The following D2HGDH variants were observed in gnomAD, a reference collection of about 807,000 sequenced individuals.
D2HGDH encodes D-2-hydroxyglutarate dehydrogenase, mitochondrial.
Under a neutral mutation model 46.9 loss-of-function variants are expected in D2HGDH, and 31 were observed. That is an observed-to-expected ratio of 0.66 (90% CI 0.50 to 0.89). The LOEUF is 0.89. D2HGDH is among the 40% of genes least tolerant of loss of function. D2HGDH has a pLI of 0.00. For synonymous variants in D2HGDH, 364 were observed against 332.6 expected, an observed-to-expected ratio of 1.09 and a Z score of -1.03; for missense variants, 698 against 720.8, an observed-to-expected ratio of 0.97 and a Z score of 0.36.
chr2:241,738,716 A>G (rs1693607579), intron 2 of D2HGDH, among the ~76,000 whole-genome samples: 1 of 152,158 alleles, frequency 6.6e-6, no homozygotes, highest in Non-Finnish European at 1.5e-5. Flanking sequence ...GTCCTGCTGC[A>G]GGGCCGCCCC....
intron 7 of D2HGDH, among the ~76,000 whole-genome samples, chr2:241,750,957 C>T (rs1277116534): frequency 2.0e-5 from 3 of 152,190 alleles, no homozygotes; most frequent in African/African-American, 4.8e-5. Flanking sequence ...AGGGTTTTGC[C>T]GTGTTGTCCA....
Position 241,743,196 on chromosome 2 carries a change from C to T in D2HGDH, c.491-426C>T, listed in dbSNP as rs1019137200. 1.3e-5 allele frequency among the ~76,000 whole-genome samples: 2 copies of T among 152,214 alleles called. No individual in the cohort carries two copies. The highest frequency in any genetic ancestry group is 1.5e-5 in the Non-Finnish European group (1 of 68,022). The stretch of plus-strand genomic sequence containing the variant: ...CCCCGCAAGGCCGGGCTCCAGGCCC[C>T]GGTCACTCTGTGGTCGGGCGCCTGC... On this transcript the variant is annotated intron_variant, in intron 4 of 9. Coordinates refer to ENST00000321264, the MANE Select transcript of D2HGDH (RefSeq NM_152783.5). This position sits in a 1 kb window ranked among gnomAD's most constrained non-coding sequence, Gnocchi z 4.8.
At chr2:241,764,405 G>C (rs1408464524) in intron 9 of D2HGDH, among the ~76,000 whole-genome samples, 1 of 152,256 alleles carries the variant, frequency 6.6e-6, no homozygotes, top group Admixed American at 6.5e-5. Context: ...GGGAATGAGT[G>C]ATTCTCAAAG....
At chr2:241,735,562 G>C in intron 2 of D2HGDH, 46 bp downstream of exon 2, 2 of 1,595,162 alleles carry the variant, frequency 1.3e-6, no homozygotes, top group South Asian at 2.2e-5. Flanking sequence ...TCCCTGCTCC[G>C]CTGCGCCTTC....
chr2:241,755,026 C>G (rs1160904916), intron 8 of D2HGDH: 3 of 1,292,758 alleles, frequency 2.3e-6, no homozygotes, highest in Non-Finnish European at 3.0e-6. Context: ...ATGGCTCTGT[C>G]CTGTTCCTCA....
Position 241,752,490 on chromosome 2 carries a change from C to CG in D2HGDH, c.1140+1103dup, listed in dbSNP as rs1017792214. ...CAATCCCCAGGCCCCAGGGACCACA[C>CG]GAACAGAGGCTCACCCTCCCTCGCG... is the stretch of plus-strand genomic sequence containing the variant. On this transcript the variant is annotated intron_variant, in intron 8 of 9. Coordinates refer to ENST00000321264, the MANE Select transcript of D2HGDH (RefSeq NM_152783.5). Among the ~76,000 whole-genome samples, 11 of 152,246 alleles carry CG rather than the reference C, an allele frequency of 7.2e-5. 1 individual carries two copies. Among genetic ancestry groups the CG allele is most frequent in the Admixed American group, 5.9e-4 (9 of 15,288 alleles).
At chr2:241,734,959 C>G (rs1692339411) in intron 1 of D2HGDH, among the ~76,000 whole-genome samples, 174 bp from the exon 2 acceptor site, 1 of 152,184 alleles carries the variant, frequency 6.6e-6, no homozygotes, top group African/African-American at 2.4e-5. Context: ...TCGCTAAGTC[C>G]AGGCCTGCTG....
chr2:241,741,836 G>A (rs1253586820), intron 3 of D2HGDH, among the ~76,000 whole-genome samples: 1 of 150,146 alleles, frequency 6.7e-6, no homozygotes, highest in East Asian at 2.0e-4. Flanking sequence ...TTCATGTGTG[G>A]GGCTTGCTGT....
intron 9 of D2HGDH, among the ~76,000 whole-genome samples, chr2:241,756,598 T>C (rs1287091513): frequency 3.9e-5 from 6 of 152,254 alleles, no homozygotes; most frequent in Non-Finnish European, 8.8e-5. Flanking sequence ...CTCGGCTCAC[T>C]GCAACCTCCA....
rs758099591 is a variant in D2HGDH at position 241,741,073 on chromosome 2, G to A, written c.333G>A (p.Glu111=). ...KVLLRPRTSE[E]VSHILRHCHE... ...TGCTGAGGCCACGGACGTCGGAGGA[G>A]GTGTCCCACATCCTCAGGTGAGGTG... Residue 111 remains glutamate, a synonymous_variant, in exon 3 of 10, where the codon GAG becomes GAA. Coordinates refer to ENST00000321264, the MANE Select transcript of D2HGDH (RefSeq NM_152783.5). The A allele has an allele frequency of 1.2e-6, 2 of 1,613,994 alleles. No homozygotes were observed. Among genetic ancestry groups the A allele is most frequent in the South Asian group, 1.1e-5 (1 of 91,032 alleles).
Position 241,742,394 on chromosome 2 carries a change from G to T in D2HGDH, c.351-41G>T. 6.4e-7 allele frequency: 1 copy of T among 1,572,804 alleles called. No individual in the cohort carries two copies. The highest frequency in any genetic ancestry group is 8.6e-7 in the Non-Finnish European group (1 of 1,157,546). On this transcript the variant is annotated intron_variant, in intron 3 of 9. Transcript: ENST00000321264. The surrounding 1 kb of genome is among the most constrained non-coding windows in gnomAD (Gnocchi z 4.8). ...TGTCCTTGGGGATGGTGGCGTAGGG[G>T]TGGGGACAGAGCCCCAACGTCCCTC...
chr2:241,741,085 C>G lies in D2HGDH; in HGVS notation c.345C>G (p.Ile115Met). ...GGACGTCGGAGGAGGTGTCCCACAT[C>G]CTCAGGTGAGGTGGTGGCTCCCGGC... ...RPRTSEEVSH[I>M]LRHCHERNLA... The change falls in exon 3 of 10, where the codon ATC (isoleucine) becomes ATG (methionine). Residue 115 changes from isoleucine (I) to methionine (M), a missense_variant. Physicochemically the swap from Ile to Met is conservative, Grantham distance 10. Coordinates refer to ENST00000321264, the MANE Select transcript of D2HGDH (RefSeq NM_152783.5). 6.2e-7 allele frequency: 1 copy of G among 1,613,794 alleles called. No individual in the cohort carries two copies. The highest frequency in any genetic ancestry group is 8.5e-7 in the Non-Finnish European group (1 of 1,179,928).
At chr2:241,739,163 C>T (rs1381510165) in intron 2 of D2HGDH, among the ~76,000 whole-genome samples, 1 of 152,196 alleles carries the variant, frequency 6.6e-6, no homozygotes, top group Non-Finnish European at 1.5e-5. Context: ...CGGGAGGGAG[C>T]CCTCCTTTTC....
chr2:241,758,604 C>T (rs1255760256), intron 9 of D2HGDH, among the ~76,000 whole-genome samples: 19 of 152,124 alleles, frequency 1.2e-4, no homozygotes, highest in Admixed American at 1.2e-3. Flanking sequence ...GCAGGCCTGG[C>T]TAACTAAAAA....
chr2:241,751,105 G>A (rs1051153757), intron 7 of D2HGDH, 141 bp from the exon 8 acceptor site: 1 of 1,131,380 alleles, frequency 8.8e-7, no homozygotes, highest in Non-Finnish European at 1.3e-6. Flanking sequence ...CCAGAGAGCT[G>A]TGTGCTCCGC....
intron 8 of D2HGDH, chr2:241,755,309 G>T: frequency 7.7e-7 from 1 of 1,296,402 alleles, no homozygotes. Flanking sequence ...CACCCGACAT[G>T]CCCCTTGAGC....
At chr2:241,748,838 T>C in intron 6 of D2HGDH, 1 of 1,250,568 alleles carries the variant, frequency 8.0e-7, no homozygotes, top group Non-Finnish European at 1.0e-6. Flanking sequence ...TTTTCTGTGT[T>C]CTGCTCTGAT....
At chr2:241,748,570 C>T (rs1382680489) in intron 6 of D2HGDH, among the ~76,000 whole-genome samples, 5 of 152,234 alleles carry the variant, frequency 3.3e-5, no homozygotes, top group Non-Finnish European at 7.3e-5. Flanking sequence ...ACTGGTGCCC[C>T]TCCCACCATG....
At chr2:241,751,436 CA>C (rs1340866043) in intron 8 of D2HGDH, 48 bp downstream of exon 8, 2 of 1,608,562 alleles carry the variant, frequency 1.2e-6, no homozygotes, top group Non-Finnish European at 1.7e-6. Context: ...CCGTCCAGTC[CA>C]GCCTTGTCTT....
Sources: allele counts gnomAD v4.1 joint callset (sites outside exome capture counted in the v4.1 genomes callset), GRCh38; gene constraint gnomAD v4.1.1; non-coding constraint Gnocchi (gnomAD v3.1); transcripts MANE v1.5; gene names NCBI Gene and HGNC (gene_info 2026-07-23, HGNC 2026-07-21).